Variants in ADAMTS19 observed in about 807,000 individuals in gnomAD.
ADAMTS19 encodes the protein ADAM metallopeptidase with thrombospondin type 1 motif 19.
In ADAMTS19, 93 loss-of-function variants were observed where a neutral mutation model predicts 153.3. The observed-to-expected ratio is 0.61, with a 90% CI of 0.51 to 0.72. The LOEUF (loss-of-function observed/expected upper bound fraction) is 0.72. Ranked by LOEUF, ADAMTS19 falls within the 30% of genes least tolerant of loss-of-function variation. ADAMTS19 has a pLI of 0.00. For missense variants in ADAMTS19, 1,482 were observed against 1,552.1 expected (o/e 0.95, Z 0.76); for synonymous variants, 600 against 556.6 (o/e 1.08, Z -1.10).
intron 20 of ADAMTS19, among the ~76,000 whole-genome samples, chr5:129,702,514 G>A (rs1442200464): frequency 6.6e-6 from 1 of 152,064 alleles, no homozygotes; most frequent in Non-Finnish European, 1.5e-5. Context: ...AGATAATACA[G>A]TTTCTAAATG....
At chr5:129,624,254 C>A (rs369517079) in intron 10 of ADAMTS19, among the ~76,000 whole-genome samples, 1 of 150,500 alleles carries the variant, frequency 6.6e-6, no homozygotes, top group South Asian at 2.1e-4. Flanking sequence ...ATCCTTGGAA[C>A]TCCACATCGT....
At chr5:129,593,534 A>G (rs932965498) in intron 7 of ADAMTS19, among the ~76,000 whole-genome samples, 3 of 151,712 alleles carry the variant, frequency 2.0e-5, no homozygotes, top group Admixed American at 1.3e-4. Flanking sequence ...TGATGATTCC[A>G]TTCTCTTTAC....
chr5:129,523,560 A>G (rs547526246), intron 3 of ADAMTS19, among the ~76,000 whole-genome samples: 308 of 152,284 alleles, frequency 2.0e-3, no homozygotes, highest in African/African-American at 7.0e-3. Flanking sequence ...GTACACATGA[A>G]TGGCTGCATA....
At chr5:129,504,872 G>GACACACACACACACACACACAC in intron 2 of ADAMTS19, among the ~76,000 whole-genome samples, 1 of 148,222 alleles carries the variant, frequency 6.7e-6, no homozygotes, top group East Asian at 2.0e-4. Flanking sequence ...CACACACACA[G>GACACACACACACACACACACAC]ACACACACAC....
At chr5:129,620,087 G>A (rs758188379) in intron 8 of ADAMTS19, among the ~76,000 whole-genome samples, 2 of 151,782 alleles carry the variant, frequency 1.3e-5, no homozygotes, top group Admixed American at 6.6e-5. Flanking sequence ...AACAGATTCA[G>A]GATTCATTAA....
intron 15 of ADAMTS19, among the ~76,000 whole-genome samples, chr5:129,659,747 ATTT>A (rs76200879): frequency 1.2e-3 from 184 of 151,230 alleles, no homozygotes; most frequent in African/African-American, 4.2e-3. Flanking sequence ...TGCCCAGCTA[ATTT>A]TTTTTTAATT....
At chr5:129,693,583 G>A (rs1190684727) in intron 18 of ADAMTS19, among the ~76,000 whole-genome samples, 2 of 152,160 alleles carry the variant, frequency 1.3e-5, no homozygotes, top group Non-Finnish European at 2.9e-5. Context: ...TTATACAGAT[G>A]TGTATCTTTT....
At chr5:129,561,083 C>G (rs969106836) in intron 7 of ADAMTS19, among the ~76,000 whole-genome samples, 1 of 151,918 alleles carries the variant, frequency 6.6e-6, no homozygotes, top group Non-Finnish European at 1.5e-5. Context: ...AATAAAACAT[C>G]AAATGTTAGC....
chr5:129,527,594 A>T (rs1195408181), intron 4 of ADAMTS19, among the ~76,000 whole-genome samples, 154 bp from the exon 5 acceptor site: 1 of 149,630 alleles, frequency 6.7e-6, no homozygotes, highest in East Asian at 1.9e-4. Flanking sequence ...GTAACAAATA[A>T]AAAATTACTT....
At chr5:129,504,450 T>C (rs1751203252) in intron 2 of ADAMTS19, among the ~76,000 whole-genome samples, 1 of 152,228 alleles carries the variant, frequency 6.6e-6, no homozygotes, top group African/African-American at 2.4e-5. Flanking sequence ...ATGTATACAC[T>C]GTGCAAAGAT....
At chr5:129,667,116 T>C (rs1754087756) in intron 16 of ADAMTS19, among the ~76,000 whole-genome samples, 1 of 152,124 alleles carries the variant, frequency 6.6e-6, no homozygotes, top group Non-Finnish European at 1.5e-5. Context: ...TGTTGACAAA[T>C]CCAATGTTAC....
At chr5:129,498,327 C>A (rs1483798776) in intron 2 of ADAMTS19, among the ~76,000 whole-genome samples, 1 of 151,942 alleles carries the variant, frequency 6.6e-6, no homozygotes, top group Non-Finnish European at 1.5e-5. Flanking sequence ...AATATCCTGC[C>A]CCTTCTCCCC....
chr5:129,727,205 T>C (rs868213591), intron 21 of ADAMTS19, among the ~76,000 whole-genome samples: 3 of 152,324 alleles, frequency 2.0e-5, no homozygotes, highest in Middle Eastern at 3.4e-3. Context: ...AGGTTGTCTG[T>C]AGAGAAGGTG....
intron 3 of ADAMTS19, among the ~76,000 whole-genome samples, chr5:129,523,838 A>G (rs1005430743): frequency 6.6e-6 from 1 of 152,098 alleles, no homozygotes; most frequent in African/African-American, 2.4e-5. Context: ...AGAAAAAAAA[A>G]TCATGCTCAT....
chr5:129,516,276 C>CTT lies in ADAMTS19; in HGVS notation c.913+7045_913+7046dup, dbSNP rs61392717. Among the ~76,000 whole-genome samples, 519 of 134,124 alleles carry CTT rather than the reference C, an allele frequency of 3.9e-3. 9 individuals carry two copies. Among genetic ancestry groups the CTT allele is most frequent in the Middle Eastern group, 8.1e-3 (2 of 246 alleles). 88.0% of individuals were successfully genotyped at this position (134,124 alleles called of 152,430 possible). A position where few individuals can be genotyped will look rare whatever the true frequency, so the allele number is the denominator to read the frequency against. On this transcript the variant is annotated intron_variant, in intron 3 of 22. Coordinates refer to ENST00000274487, the MANE Select transcript of ADAMTS19 (RefSeq NM_133638.6). ...TAATTTATGTGTCTTTTTTTCTTTT[C>CTT]TTTTTTTTTTTTGTATCAGGGTAAT...
At chr5:129,698,242 T>G (rs1755652935) in intron 19 of ADAMTS19, among the ~76,000 whole-genome samples, 1 of 152,354 alleles carries the variant, frequency 6.6e-6, no homozygotes, top group African/African-American at 2.4e-5. Flanking sequence ...TTAGTGAGGT[T>G]AAGCAAAATA....
chr5:129,604,956 A>G (rs997888114), intron 8 of ADAMTS19, among the ~76,000 whole-genome samples: 24 of 152,104 alleles, frequency 1.6e-4, no homozygotes, highest in Admixed American at 6.6e-5. Context: ...AAGCCAAAGA[A>G]TTATCTTTGA....
intron 13 of ADAMTS19, among the ~76,000 whole-genome samples, chr5:129,649,913 C>T (rs1172935714): frequency 6.6e-6 from 1 of 152,162 alleles, no homozygotes. Context: ...CAAGGTGGCT[C>T]ACACCTGTAA....
At position 129,620,770 on chromosome 5, in the gene ADAMTS19, A is replaced by G. The variant is rs1010253189; in HGVS notation, c.1619+12A>G. 1.9e-6 allele frequency: 3 copies of G among 1,609,832 alleles called. No homozygotes were observed. The highest frequency in any genetic ancestry group is 2.5e-6 in the Non-Finnish European group (3 of 1,177,724). ...GAAAGATTTCTCAGGTATGGAGGTC[A>G]CTTATTGTTTTTGCCTTGTGAATGA... On this transcript the variant is annotated intron_variant, in intron 9 of 22. Transcript: ENST00000274487.
Sources: allele counts gnomAD v4.1 joint callset (sites outside exome capture counted in the v4.1 genomes callset), GRCh38; gene constraint gnomAD v4.1.1; transcripts MANE v1.5; gene names NCBI Gene and HGNC (gene_info 2026-07-23, HGNC 2026-07-21).